Variants in RPTOR observed in about 807,000 individuals in gnomAD.
RPTOR encodes the protein regulatory associated protein of MTOR complex 1, also known as regulatory-associated protein of mTOR.
RPTOR carries 21 observed loss-of-function variants against 169.9 expected under a neutral mutation model. The observed-to-expected ratio is 0.12, with a 90% CI of 0.09 to 0.18. The LOEUF (loss-of-function observed/expected upper bound fraction) is 0.18. Among genes scored for constraint, RPTOR ranks in the 10% least tolerant of loss-of-function variants. The pLI is 1.00. For missense variants in RPTOR, 1,133 were observed against 1,855.9 expected, an observed-to-expected ratio of 0.61 and a Z score of 7.16; for synonymous variants, 732 against 753.2, an observed-to-expected ratio of 0.97 and a Z score of 0.46.
At chr17:80,599,784 G>A (rs1340389043) in intron 1 of RPTOR, among the ~76,000 whole-genome samples, 1 of 152,154 alleles carries the variant, frequency 6.6e-6, no homozygotes, top group Non-Finnish European at 1.5e-5. Flanking sequence ...GCACGCTGGA[G>A]GAAAGGGGCC....
At chr17:80,757,122 G>C (rs1051241692) in intron 6 of RPTOR, among the ~76,000 whole-genome samples, 6 of 152,162 alleles carry the variant, frequency 3.9e-5, no homozygotes, top group African/African-American at 1.2e-4. Flanking sequence ...AGGAGATGCA[G>C]AGAAGGGAAA....
intron 1 of RPTOR, among the ~76,000 whole-genome samples, chr17:80,599,826 CATT>C (rs1348518451): frequency 1.3e-5 from 2 of 152,136 alleles, no homozygotes; most frequent in African/African-American, 2.4e-5. Context: ...AGCCTGGTGT[CATT>C]GTTGCTGTGG....
intron 7 of RPTOR, chr17:80,802,428 A>G (rs1394765790): frequency 6.6e-6 from 1 of 152,184 alleles, no homozygotes; most frequent in African/African-American, 2.4e-5. Flanking sequence ...CGTCTCTACT[A>G]AAAATACAAA....
At chr17:80,848,812 G>A (rs1342830808) in intron 11 of RPTOR, among the ~76,000 whole-genome samples, 1 of 152,264 alleles carries the variant, frequency 6.6e-6, no homozygotes, top group Non-Finnish European at 1.5e-5. Flanking sequence ...TTTGTAAATG[G>A]CCTTCTGTTG....
intron 20 of RPTOR, among the ~76,000 whole-genome samples, chr17:80,906,757 G>A (rs1320508650): frequency 3.3e-5 from 5 of 152,016 alleles, no homozygotes; most frequent in Admixed American, 6.5e-5. Flanking sequence ...AGATGGCAGC[G>A]TGACCTCCTA....
In RPTOR at chr17:80,692,734, A is replaced by G. The variant is rs558538535; in HGVS notation, c.349-15107A>G. Among the ~76,000 whole-genome samples the G allele has an allele frequency of 4.1e-4, 63 of 152,350 alleles. 1 individual carries two copies. The highest frequency in any genetic ancestry group is 1.3e-3 in the African/African-American group (56 of 41,580). ...TGCCTCAGCCTCCCAAAGTGTTAGG[A>G]TTATAGGCATGAGCCACTGTGCCTG... On this transcript the variant is annotated intron_variant, in intron 3 of 33. Coordinates refer to ENST00000306801, the MANE Select transcript of RPTOR (RefSeq NM_020761.3).
At chr17:80,734,392 CCT>C (rs967066834) in intron 5 of RPTOR, among the ~76,000 whole-genome samples, 1 of 152,194 alleles carries the variant, frequency 6.6e-6, no homozygotes, top group African/African-American at 2.4e-5. Context: ...CACTTCTTCC[CCT>C]CTCTCGATTT....
chr17:80,772,546 C>A (rs2066855043), intron 6 of RPTOR, among the ~76,000 whole-genome samples: 1 of 144,732 alleles, frequency 6.9e-6, no homozygotes, highest in Admixed American at 6.8e-5. Context: ...CCTGGTCCCC[C>A]ACCCCTACCC....
intron 7 of RPTOR, among the ~76,000 whole-genome samples, chr17:80,819,379 C>T (rs1329913667): frequency 1.3e-5 from 2 of 152,254 alleles, no homozygotes; most frequent in Non-Finnish European, 2.9e-5. Flanking sequence ...TGTCTTGCTT[C>T]TTTACTTAAT....
chr17:80,904,223 A>C (rs2068512941), intron 20 of RPTOR, among the ~76,000 whole-genome samples: 1 of 152,202 alleles, frequency 6.6e-6, no homozygotes, highest in South Asian at 2.1e-4. Flanking sequence ...CTGAGGGGTC[A>C]GGAGGGGTCA....
In RPTOR at chr17:80,721,280, C is replaced by G. The variant is rs2066283852; in HGVS notation, c.508-9280C>G. 6.6e-6 allele frequency among the ~76,000 whole-genome samples: 1 copy of G among 151,334 alleles called. No individual in the cohort carries two copies. The highest frequency in any genetic ancestry group is 2.5e-5 in the African/African-American group (1 of 40,608). On this transcript the variant is annotated intron_variant, in intron 4 of 33. Transcript: ENST00000306801. The surrounding 1 kb of genome is among the most constrained non-coding windows in gnomAD (Gnocchi z 4.7). The stretch of plus-strand genomic sequence containing the variant: ...AGATGTCGTAGCAGCACAGGCAGCA[C>G]TGTGGAAACTGTTCTCACGACTGTG...
chr17:80,883,574 G>C, intron 15 of RPTOR, 90 bp downstream of exon 15: 1 of 1,365,480 alleles, frequency 7.3e-7, no homozygotes, highest in Non-Finnish European at 1.0e-6. Flanking sequence ...CCACATGGGG[G>C]ACAGGGGGTG....
chr17:80,959,862 G>A lies in RPTOR; in HGVS notation c.3478-216G>A, dbSNP rs538605558. Reference sequence around the variant, plus strand: ...GTCCCTCCAGGGCCAAGGGATAAGGGCGTGACTCATTGTCCTGCCAGCCCC... The same window carrying A: ...GTCCCTCCAGGGCCAAGGGATAAGGACGTGACTCATTGTCCTGCCAGCCCC... On this transcript the variant is annotated intron_variant, in intron 29 of 33. Coordinates refer to ENST00000306801, the MANE Select transcript of RPTOR (RefSeq NM_020761.3). This position sits in a 1 kb window ranked among gnomAD's most constrained non-coding sequence, Gnocchi z 6.7. Among the ~76,000 whole-genome samples the A allele has an allele frequency of 1.6e-3, 246 of 152,292 alleles. 1 individual carries two copies. Among genetic ancestry groups the A allele is most frequent in the African/African-American group, 5.3e-3 (222 of 41,564 alleles).
chr17:80,943,723 G>A (rs990781872), intron 25 of RPTOR, among the ~76,000 whole-genome samples: 1 of 151,110 alleles, frequency 6.6e-6, no homozygotes, highest in Non-Finnish European at 1.5e-5. Context: ...AGAAGTTCAG[G>A]TGAGGACACG....
intron 5 of RPTOR, among the ~76,000 whole-genome samples, chr17:80,738,915 A>T (rs901954028): frequency 1.1e-4 from 17 of 152,280 alleles, no homozygotes; most frequent in Admixed American, 3.9e-4. Context: ...GCCATAATTC[A>T]TGAAAACGAT....
intron 6 of RPTOR, among the ~76,000 whole-genome samples, chr17:80,781,049 G>T (rs2066937363): frequency 6.6e-6 from 1 of 152,134 alleles, no homozygotes; most frequent in Non-Finnish European, 1.5e-5. Context: ...AGCTGGGGGT[G>T]AGTTTCAGAA....
intron 9 of RPTOR, 97 bp from the exon 10 acceptor site, chr17:80,837,825 T>G: frequency 8.6e-7 from 1 of 1,164,576 alleles, no homozygotes; most frequent in South Asian, 1.3e-5. Context: ...AGACCCTTGC[T>G]GCCCAGGCTC....
At chr17:80,958,634 C>T (rs909280120) in intron 29 of RPTOR, among the ~76,000 whole-genome samples, 3 of 151,954 alleles carry the variant, frequency 2.0e-5, no homozygotes, top group African/African-American at 7.3e-5. Context: ...AGAATGGTCT[C>T]TATCTCCTGA....
chr17:80,919,618 A>G (rs1035022058), intron 21 of RPTOR, among the ~76,000 whole-genome samples: 40 of 152,346 alleles, frequency 2.6e-4, no homozygotes, highest in African/African-American at 9.6e-4. Flanking sequence ...GGTGGGTCTC[A>G]TTCCAGTCCC....
Sources: gnomAD v4.1 joint callset for allele counts (sites outside exome capture counted in the v4.1 genomes callset) on GRCh38, gnomAD v4.1.1 for gene constraint, Gnocchi (gnomAD v3.1) non-coding constraint, MANE v1.5 for transcripts, NCBI Gene and HGNC (gene_info 2026-07-23, HGNC 2026-07-21) for gene names.